The following HS3ST4 variants were observed in gnomAD, a reference collection of about 807,000 sequenced individuals.
HS3ST4 encodes the protein heparan sulfate-glucosamine 3-sulfotransferase 4.
Under a neutral mutation model 29.2 loss-of-function variants are expected in HS3ST4, and 17 were observed. That is an observed-to-expected ratio of 0.58 (90% CI 0.40 to 0.87). The LOEUF is 0.87. Among genes scored for constraint, HS3ST4 ranks in the 40% least tolerant of loss-of-function variants. The pLI, the probability that HS3ST4 is intolerant of heterozygous loss-of-function variation, is 0.00. For synonymous variants in HS3ST4, 314 were observed against 285.7 expected, an observed-to-expected ratio of 1.10 and a Z score of -1.00; for missense variants, 627 against 634.5, an observed-to-expected ratio of 0.99 and a Z score of 0.13.
intron 1 of HS3ST4, among the ~76,000 whole-genome samples, chr16:25,857,245 G>C (rs548978295): frequency 2.6e-5 from 4 of 152,270 alleles, no homozygotes; most frequent in Admixed American, 1.3e-4. Flanking sequence ...CAGGTGGGTA[G>C]ATCTTGACTC....
chr16:25,724,909 G>GTT (rs72007368), intron 1 of HS3ST4, among the ~76,000 whole-genome samples: 5 of 147,198 alleles, frequency 3.4e-5, no homozygotes, highest in South Asian at 2.1e-4. Context: ...ACCTCGTCAA[G>GTT]TTTTTTTTTT....
chr16:25,704,910 A>G (rs1365409945), intron 1 of HS3ST4, among the ~76,000 whole-genome samples: 1 of 151,348 alleles, frequency 6.6e-6, no homozygotes, highest in East Asian at 2.0e-4. Flanking sequence ...TAGAGAAGAC[A>G]TCTTGCTCTG....
rs114249339 is a variant in HS3ST4 at position 25,942,507 on chromosome 16, C to A, written c.735-193105C>A. ...CTGAAAAACAGCACTTTCATCACCC[C>A]AGGCTGGCTTACTGTTTAAAACAGG... On this transcript the variant is annotated intron_variant, in intron 1 of 1. Coordinates refer to ENST00000331351, the MANE Select transcript of HS3ST4 (RefSeq NM_006040.3). Among the ~76,000 whole-genome samples the A allele has an allele frequency of 4.0e-3, 606 of 152,246 alleles. 3 individuals carry two copies. Among genetic ancestry groups the A allele is most frequent in the African/African-American group, 0.014 (594 of 41,544 alleles).
intron 1 of HS3ST4, among the ~76,000 whole-genome samples, chr16:25,850,791 C>T (rs540376279): frequency 3.9e-5 from 6 of 152,210 alleles, no homozygotes; most frequent in Admixed American, 6.5e-5. Flanking sequence ...TGCCCTTTTG[C>T]GGGGCTTTAC....
At chr16:25,967,172 A>T (rs1470663804) in intron 1 of HS3ST4, among the ~76,000 whole-genome samples, 1 of 152,028 alleles carries the variant, frequency 6.6e-6, no homozygotes, top group Admixed American at 6.6e-5. Flanking sequence ...TTTTTTTGAG[A>T]CGGAATCTCG....
At chr16:25,715,291 C>T (rs554269395) in intron 1 of HS3ST4, among the ~76,000 whole-genome samples, 12 of 148,016 alleles carry the variant, frequency 8.1e-5, no homozygotes, top group Admixed American at 2.0e-4. Flanking sequence ...CACTGCAGTC[C>T]GCAGTCCGGC....
At chr16:26,132,526 ACACAT>A (rs1899434093) in intron 1 of HS3ST4, among the ~76,000 whole-genome samples, 1 of 152,182 alleles carries the variant, frequency 6.6e-6, no homozygotes, top group African/African-American at 2.4e-5. Flanking sequence ...TAAGTTAGGC[ACACAT>A]CTACTCTGCT....
chr16:26,027,152 A>G (rs1384997024), intron 1 of HS3ST4, among the ~76,000 whole-genome samples: 1 of 152,202 alleles, frequency 6.6e-6, no homozygotes, highest in Non-Finnish European at 1.5e-5. Context: ...TTCACTTGTC[A>G]AAAACAAAAG....
At chr16:25,864,250 T>G (rs1371323406) in intron 1 of HS3ST4, among the ~76,000 whole-genome samples, 1 of 152,218 alleles carries the variant, frequency 6.6e-6, no homozygotes. Context: ...GTATGCAATG[T>G]GAAATTATTA....
At chr16:26,029,409 G>A (rs921931087) in intron 1 of HS3ST4, among the ~76,000 whole-genome samples, 4 of 151,986 alleles carry the variant, frequency 2.6e-5, no homozygotes, top group African/African-American at 9.7e-5. Context: ...ATTTTGCAAG[G>A]GGTAGTTCTT....
chr16:25,805,937 T>C lies in HS3ST4; in HGVS notation c.734+112786T>C, dbSNP rs1247299570. ...GTTCTCATTGTTCAGCTCCCACTTATAAGTGAGAACATAACAGTGTTTGGT... is the reference window on the plus strand; with the variant it reads ...GTTCTCATTGTTCAGCTCCCACTTACAAGTGAGAACATAACAGTGTTTGGT... On this transcript the variant is annotated intron_variant, in intron 1 of 1. Coordinates refer to ENST00000331351, the MANE Select transcript of HS3ST4 (RefSeq NM_006040.3). 3.9e-5 allele frequency among the ~76,000 whole-genome samples: 6 copies of C among 152,276 alleles called. No individual in the cohort carries two copies. The South Asian group carries it at 8.3e-4, about 21-fold the overall frequency.
chr16:25,940,118 C>G (rs1375619786), intron 1 of HS3ST4, among the ~76,000 whole-genome samples: 1 of 152,042 alleles, frequency 6.6e-6, no homozygotes. Context: ...CCCAGCTATT[C>G]TGGGAACTGC....
At chr16:26,064,610 CTTTTTTTTT>C (rs869047078) in intron 1 of HS3ST4, among the ~76,000 whole-genome samples, 3 of 88,962 alleles carry the variant, frequency 3.4e-5, no homozygotes, top group East Asian at 3.6e-4. Flanking sequence ...GGATTGTAGT[CTTTTTTTTT>C]TTTTTTTTTT....
rs543562989 is a variant in HS3ST4 at position 25,718,110 on chromosome 16, A to G, written c.734+24959A>G. Among the ~76,000 whole-genome samples, 24 of 152,320 alleles carry G rather than the reference A, an allele frequency of 1.6e-4. No homozygotes were observed. The East Asian group carries it at 3.7e-3, about 23-fold the overall frequency. ...ATGGTTTTATTCACCAAGACAAACC[A>G]TAAGGACAGGAGCAGGGTTGGGGGT... is the stretch of plus-strand genomic sequence containing the variant. On this transcript the variant is annotated intron_variant, in intron 1 of 1. Coordinates refer to ENST00000331351, the MANE Select transcript of HS3ST4 (RefSeq NM_006040.3).
chr16:25,819,184 G>A (rs1477292463), intron 1 of HS3ST4, among the ~76,000 whole-genome samples: 1 of 152,154 alleles, frequency 6.6e-6, no homozygotes, highest in African/African-American at 2.4e-5. Flanking sequence ...CTGAGTCTGC[G>A]ATCCTGTAAG....
chr16:26,110,887 C>T lies in HS3ST4; in HGVS notation c.735-24725C>T, dbSNP rs149214419. Among the ~76,000 whole-genome samples, 440 of 152,264 alleles carry T rather than the reference C, an allele frequency of 2.9e-3. 1 individual carries two copies. The highest frequency in any genetic ancestry group is 1.0e-2 in the African/African-American group (414 of 41,554). On this transcript the variant is annotated intron_variant, in intron 1 of 1. Transcript: ENST00000331351. ...GTCTGCGTGCACAACACTAAAAACA[C>T]TCCTATCTCAGAATCTTTTCACTAT...
intron 1 of HS3ST4, among the ~76,000 whole-genome samples, chr16:25,733,105 C>T (rs1966582666): frequency 6.6e-6 from 1 of 152,208 alleles, no homozygotes; most frequent in African/African-American, 2.4e-5. Context: ...CCTAGGCTTT[C>T]TCTTCCTCTG....
intron 1 of HS3ST4, among the ~76,000 whole-genome samples, chr16:26,006,246 G>T (rs1409837286): frequency 7.5e-6 from 1 of 133,314 alleles, no homozygotes; most frequent in Non-Finnish European, 1.6e-5. Context: ...TTGCAGTGAG[G>T]CAGGATTGCA....
chr16:25,756,160 A>G (rs1000047704), intron 1 of HS3ST4, among the ~76,000 whole-genome samples: 7 of 150,732 alleles, frequency 4.6e-5, no homozygotes, highest in South Asian at 2.1e-4. Context: ...ACACGCACAC[A>G]CACACACACA....
Sources: allele counts gnomAD v4.1 joint callset (sites outside exome capture counted in the v4.1 genomes callset), GRCh38; gene constraint gnomAD v4.1.1; transcripts MANE v1.5; gene names NCBI Gene and HGNC (gene_info 2026-07-23, HGNC 2026-07-21).